MTHFD2L: variants seen among roughly 807,000 people sequenced by gnomAD.
The protein encoded by MTHFD2L is bifunctional methylenetetrahydrofolate dehydrogenase/cyclohydrolase 2, mitochondrial.
In MTHFD2L, 29 loss-of-function variants were observed where a neutral mutation model predicts 34.9. The observed-to-expected ratio is 0.83, with a 90% CI of 0.62 to 1.13. MTHFD2L has a LOEUF of 1.13. MTHFD2L is among the 50% of genes most tolerant of loss of function. The pLI is 0.00. For missense variants in MTHFD2L, 481 were observed against 446.5 expected, an observed-to-expected ratio of 1.08 and a Z score of -0.70; for synonymous variants, 167 against 155.7, an observed-to-expected ratio of 1.07 and a Z score of -0.54.
At chr4:74,291,486 G>A (rs563954756) in intron 7 of MTHFD2L, among the ~76,000 whole-genome samples, 3 of 152,240 alleles carry the variant, frequency 2.0e-5, no homozygotes, top group South Asian at 4.2e-4. Context: ...CAGAGTAATA[G>A]CAACTATGTC....
At chr4:74,233,291 G>A (rs1175064672) in intron 6 of MTHFD2L, among the ~76,000 whole-genome samples, 3 of 152,058 alleles carry the variant, frequency 2.0e-5, no homozygotes, top group Non-Finnish European at 4.4e-5. Context: ...TGGGGAAGGG[G>A]ACTCAAATAT....
At chr4:74,274,945 A>G (rs966447759) in intron 6 of MTHFD2L, among the ~76,000 whole-genome samples, 1 of 152,106 alleles carries the variant, frequency 6.6e-6, no homozygotes, top group Non-Finnish European at 1.5e-5. Flanking sequence ...GCAAGTCTTT[A>G]TTTTTTAATT....
chr4:74,156,951 G>A (rs748806987), upstream of MTHFD2L: 1 of 152,042 alleles, frequency 6.6e-6, no homozygotes, highest in African/African-American at 2.4e-5. Flanking sequence ...TATTTTGGGT[G>A]TAAGTCTTGT....
chr4:74,186,643 A>G (rs1217164774), intron 3 of MTHFD2L, among the ~76,000 whole-genome samples: 1 of 152,012 alleles, frequency 6.6e-6, no homozygotes, highest in East Asian at 1.9e-4. Flanking sequence ...AAACCTATAT[A>G]TATTAAAAAC....
At position 74,292,681 on chromosome 4, in the gene MTHFD2L, T is replaced by C. The variant is rs552024363; in HGVS notation, c.932-9016T>C. ...ATATTTTTAGTAATTTTCCCAGCTC[T>C]TAATAGAACTACCAGAAATATCATA... On this transcript the variant is annotated intron_variant, in intron 7 of 7. Coordinates refer to ENST00000325278, the MANE Select transcript of MTHFD2L (RefSeq NM_001144978.3). Among the ~76,000 whole-genome samples the C allele has an allele frequency of 1.2e-4, 18 of 152,264 alleles. No individual in the cohort carries two copies. In the South Asian group the frequency reaches 2.7e-3, roughly 23 times the overall value.
In MTHFD2L at chr4:74,301,720, A is replaced by C. The variant is rs930472826; in HGVS notation, c.955A>C (p.Ile319Leu). 6.3e-6 allele frequency: 10 copies of C among 1,591,900 alleles called. No homozygotes were observed. Among genetic ancestry groups the C allele is most frequent in the Non-Finnish European group, 8.5e-6 (10 of 1,170,144 alleles). The change falls in exon 8 of 8, where the codon ATC becomes CTC. Residue 319 changes from isoleucine (I) to leucine (L), a missense_variant. Transcript: ENST00000325278. ...AGCTGTTAAAAAGAAAGCTGGCTTT[A>C]TCACTCCAGTTCCAGGAGGTGTGGG... is the stretch of plus-strand genomic sequence containing the variant. ...FEAVKKKAGF[I>L]TPVPGGVGPM...
intron 6 of MTHFD2L, among the ~76,000 whole-genome samples, chr4:74,231,691 T>C (rs1740087724): frequency 6.6e-6 from 1 of 152,152 alleles, no homozygotes; most frequent in African/African-American, 2.4e-5. Context: ...GACTTGCTGA[T>C]TGTGAGCTTG....
intron 1 of MTHFD2L, among the ~76,000 whole-genome samples, chr4:74,139,522 T>G (rs534522811): frequency 6.6e-6 from 1 of 152,244 alleles, no homozygotes; most frequent in East Asian, 1.9e-4. Flanking sequence ...CCCAAGATGG[T>G]GGAAAAGCTG....
chr4:74,219,559 G>A (rs1737793066), intron 5 of MTHFD2L, among the ~76,000 whole-genome samples: 1 of 152,084 alleles, frequency 6.6e-6, no homozygotes, highest in African/African-American at 2.4e-5. Flanking sequence ...ATTGAATATA[G>A]GAATGACAAG....
chr4:74,157,779 G>C, upstream of MTHFD2L: 2 of 490,284 alleles, frequency 4.1e-6, no homozygotes, highest in South Asian at 3.1e-5. Context: ...GGTGGAAAGT[G>C]GGGCGTGCTG....
upstream of MTHFD2L, chr4:74,157,577 G>C (rs1420429483): frequency 4.6e-6 from 2 of 433,002 alleles, no homozygotes; most frequent in Non-Finnish European, 9.3e-6. Flanking sequence ...TAAAGTAGAA[G>C]TATAGAAATC....
chr4:74,250,503 C>A (rs990103742), intron 6 of MTHFD2L, among the ~76,000 whole-genome samples: 2 of 152,066 alleles, frequency 1.3e-5, no homozygotes, highest in African/African-American at 4.8e-5. Context: ...TGGTTTTATC[C>A]CTCACACCTA....
intron 1 of MTHFD2L, among the ~76,000 whole-genome samples, chr4:74,133,202 T>A (rs1722679883): frequency 1.3e-5 from 2 of 152,194 alleles, no homozygotes; most frequent in Admixed American, 1.3e-4. Flanking sequence ...GAACTGGAGT[T>A]GCTTTGTTAT....
chr4:74,248,880 T>G lies in MTHFD2L; in HGVS notation c.805+23486T>G, dbSNP rs1578611272. ...ATAATTTCTGTTCTTTTACATTTGCTGAGGAGAGCTTTACTTCCAAGTATG... is the reference window on the plus strand; with the variant it reads ...ATAATTTCTGTTCTTTTACATTTGCGGAGGAGAGCTTTACTTCCAAGTATG... On this transcript the variant is annotated intron_variant, in intron 6 of 7. Transcript: ENST00000325278. Among the ~76,000 whole-genome samples, 17 of 150,798 alleles carry G rather than the reference T, an allele frequency of 1.1e-4. No individual in the cohort carries two copies. In the South Asian group the frequency reaches 3.3e-3, roughly 30 times the overall value.
At chr4:74,130,890 T>A (rs2109803683) in intron 1 of MTHFD2L, among the ~76,000 whole-genome samples, 1 of 152,248 alleles carries the variant, frequency 6.6e-6, no homozygotes, top group South Asian at 2.1e-4. Context: ...TTCAGCAAAG[T>A]CTCAGGATAC....
intron 6 of MTHFD2L, among the ~76,000 whole-genome samples, chr4:74,249,698 C>T (rs181920898): frequency 1.0e-3 from 159 of 152,172 alleles, no homozygotes; most frequent in Non-Finnish European, 1.9e-3. Context: ...TCTCTCAGCA[C>T]TTGCTTGTCT....
chr4:74,181,505 G>A (rs1421811686), intron 3 of MTHFD2L, among the ~76,000 whole-genome samples: 2 of 152,170 alleles, frequency 1.3e-5, no homozygotes, highest in African/African-American at 4.8e-5. Context: ...GCGTTGTCAA[G>A]AGAACCAAGT....
At chr4:74,200,965 A>G (rs1445209209) in intron 4 of MTHFD2L, among the ~76,000 whole-genome samples, 2 of 152,194 alleles carry the variant, frequency 1.3e-5, no homozygotes, top group African/African-American at 2.4e-5. Context: ...CAGTTAATAT[A>G]TGTTAAAACT....
intron 6 of MTHFD2L, among the ~76,000 whole-genome samples, chr4:74,260,156 C>T (rs962126005): frequency 6.6e-6 from 1 of 152,174 alleles, no homozygotes; most frequent in African/African-American, 2.4e-5. Context: ...CCTCCTATAG[C>T]TAGCATCCCA....
Sources: gnomAD v4.1 joint callset for allele counts (sites outside exome capture counted in the v4.1 genomes callset) on GRCh38, gnomAD v4.1.1 for gene constraint, MANE v1.5 for transcripts, NCBI Gene and HGNC (gene_info 2026-07-23, HGNC 2026-07-21) for gene names.